HTR1E: variants seen among roughly 807,000 people sequenced by gnomAD.
HTR1E encodes 5-hydroxytryptamine receptor 1E, also known as 5-HT-1E.
In HTR1E, 3 loss-of-function variants were observed where a neutral mutation model predicts 3.4. That is an observed-to-expected ratio of 0.89 (90% confidence interval 0.41 to 2.31). HTR1E has a LOEUF of 2.31. HTR1E is among the 30% of genes most tolerant of loss of function. The pLI is 0.05. For synonymous variants in HTR1E, 170 were observed against 182.8 expected (o/e 0.93, Z 0.56); for missense variants, 392 against 467.0 (o/e 0.84, Z 1.48).
intron 1 of HTR1E, among the ~76,000 whole-genome samples, chr6:86,955,373 C>G (rs1299604781): frequency 6.6e-6 from 1 of 152,170 alleles, no homozygotes; most frequent in East Asian, 1.9e-4. Flanking sequence ...ATGCTCTGTA[C>G]ATGTAGAGAA....
intron 1 of HTR1E, among the ~76,000 whole-genome samples, chr6:86,938,151 A>T (rs1358342589): frequency 6.6e-6 from 1 of 152,142 alleles, no homozygotes; most frequent in East Asian, 1.9e-4. Flanking sequence ...ATAGGTATGG[A>T]ACGGGTGCTG....
intron 1 of HTR1E, among the ~76,000 whole-genome samples, chr6:87,005,012 C>T (rs1768080937): frequency 6.6e-6 from 1 of 151,880 alleles, no homozygotes; most frequent in Non-Finnish European, 1.5e-5. Context: ...AAATAAAATA[C>T]CTAGGAATAA....
chr6:86,998,962 C>G (rs775176639), intron 1 of HTR1E, among the ~76,000 whole-genome samples: 5 of 151,834 alleles, frequency 3.3e-5, no homozygotes, highest in Non-Finnish European at 7.4e-5. Flanking sequence ...TTTGTTTTCA[C>G]TTATTTGTTT....
intron 1 of HTR1E, among the ~76,000 whole-genome samples, chr6:87,010,033 GGACGGGGTGGCTGGCCA>G (rs1768184958): frequency 7.9e-6 from 1 of 126,640 alleles, no homozygotes; most frequent in African/African-American, 3.2e-5. Context: ...CCTCCCTCCC[GGACGGGGTGGCTGGCCA>G]GGCGGGGGGC....
At chr6:86,989,030 A>G (rs1767836423) in intron 1 of HTR1E, among the ~76,000 whole-genome samples, 1 of 152,206 alleles carries the variant, frequency 6.6e-6, no homozygotes, top group Admixed American at 6.5e-5. Context: ...TTTATTGGGC[A>G]TTAACAACAC....
chr6:86,990,557 A>G (rs1295111747), intron 1 of HTR1E, among the ~76,000 whole-genome samples: 4 of 152,200 alleles, frequency 2.6e-5, no homozygotes, highest in Non-Finnish European at 1.5e-5. Flanking sequence ...GAGCAATAAA[A>G]TAAATAACCT....
rs975282636 is a variant in HTR1E at position 86,959,944 on chromosome 6, A to G, written c.-186+22121A>G. On this transcript the variant is annotated intron_variant, in intron 1 of 1. Transcript: ENST00000305344. The stretch of plus-strand genomic sequence containing the variant: ...CTTCCTTAGTGCCACTATATTCCTC[A>G]TACTAGTAAGGAAGTCAGCCAATTC... Among the ~76,000 whole-genome samples the G allele has an allele frequency of 3.9e-5, 6 of 152,154 alleles. No homozygotes were observed. The South Asian group carries it at 8.3e-4, about 21-fold the overall frequency.
intron 1 of HTR1E, among the ~76,000 whole-genome samples, chr6:86,940,785 T>C (rs1250821238): frequency 6.6e-6 from 1 of 152,218 alleles, no homozygotes; most frequent in Non-Finnish European, 1.5e-5. Context: ...TTCTACAAGC[T>C]TATTTACACA....
chr6:87,006,838 C>T (rs1768116558), intron 1 of HTR1E, among the ~76,000 whole-genome samples: 1 of 152,186 alleles, frequency 6.6e-6, no homozygotes, highest in Admixed American at 6.5e-5. Context: ...AAACCAAACA[C>T]CACATGCTCT....
At chr6:86,938,876 G>A (rs1768507805) in intron 1 of HTR1E, among the ~76,000 whole-genome samples, 1 of 152,138 alleles carries the variant, frequency 6.6e-6, no homozygotes, top group Non-Finnish European at 1.5e-5. Flanking sequence ...CATTGCTCCA[G>A]AATATATATT....
chr6:86,995,292 T>TAATATAATA (rs1554183760), intron 1 of HTR1E, among the ~76,000 whole-genome samples: 2 of 144,074 alleles, frequency 1.4e-5, no homozygotes, highest in Non-Finnish European at 3.0e-5. Flanking sequence ...CTCTATAATA[T>TAATATAATA]AATAAATAAA....
chr6:87,009,405 C>T (rs1582284249), intron 1 of HTR1E, among the ~76,000 whole-genome samples: 4 of 152,182 alleles, frequency 2.6e-5, no homozygotes, highest in South Asian at 2.1e-4. Context: ...CAGGATCCCA[C>T]GGCAGAGGAA....
intron 1 of HTR1E, among the ~76,000 whole-genome samples, chr6:86,971,671 G>A (rs950582146): frequency 6.6e-6 from 1 of 151,318 alleles, no homozygotes; most frequent in Non-Finnish European, 1.5e-5. Context: ...GATAATTATT[G>A]TGCTGGACAT....
intron 1 of HTR1E, among the ~76,000 whole-genome samples, chr6:86,992,094 A>C (rs1767877349): frequency 6.6e-6 from 1 of 151,960 alleles, no homozygotes; most frequent in African/African-American, 2.4e-5. Flanking sequence ...TACCCATCCC[A>C]CTTACAACCC....
chr6:86,974,963 TC>T (rs1396242141), intron 1 of HTR1E, among the ~76,000 whole-genome samples: 1 of 152,158 alleles, frequency 6.6e-6, no homozygotes, highest in African/African-American at 2.4e-5. Context: ...CATTTTCTCT[TC>T]CCCCAACCTG....
intron 1 of HTR1E, among the ~76,000 whole-genome samples, chr6:86,992,187 G>A (rs566945817): frequency 4.6e-5 from 7 of 152,188 alleles, no homozygotes; most frequent in East Asian, 3.9e-4. Context: ...TAATCCCTTC[G>A]AAATGACTTT....
chr6:87,009,933 G>T (rs1357356313), intron 1 of HTR1E, among the ~76,000 whole-genome samples: 2 of 123,344 alleles, frequency 1.6e-5, no homozygotes, highest in East Asian at 2.8e-4. Flanking sequence ...GGGCAGAGGG[G>T]CTCCTCACTT....
chr6:86,982,658 G>A (rs1389904866), intron 1 of HTR1E, among the ~76,000 whole-genome samples: 2 of 152,150 alleles, frequency 1.3e-5, no homozygotes, highest in Non-Finnish European at 2.9e-5. Context: ...ACACCAGTCT[G>A]GAATCTGACT....
At chr6:87,014,820 G>C (rs1436792249) in intron 1 of HTR1E, among the ~76,000 whole-genome samples, 1 of 152,160 alleles carries the variant, frequency 6.6e-6, no homozygotes, top group Non-Finnish European at 1.5e-5. Context: ...GGAGGGCTAG[G>C]GGAGGGATGG....
Sources: gnomAD v4.1 joint callset for allele counts (sites outside exome capture counted in the v4.1 genomes callset) on GRCh38, gnomAD v4.1.1 for gene constraint, MANE v1.5 for transcripts, NCBI Gene and HGNC (gene_info 2026-07-23, HGNC 2026-07-21) for gene names.